GALNTL6: variants seen among roughly 807,000 people sequenced by gnomAD.
The protein encoded by GALNTL6 is polypeptide N-acetylgalactosaminyltransferase like 6.
GALNTL6 carries 46 observed loss-of-function variants against 73.7 expected under a neutral mutation model. That is an observed-to-expected ratio of 0.62 (90% CI 0.49 to 0.80). The LOEUF is 0.80. Among genes scored for constraint, GALNTL6 ranks in the 30% least tolerant of loss-of-function variants. The pLI is 0.00. For synonymous variants in GALNTL6, 259 were observed against 263.7 expected (o/e 0.98, Z 0.17); for missense variants, 604 against 755.0 (o/e 0.80, Z 2.34).
At chr4:172,737,751 G>T (rs181900309) in intron 5 of GALNTL6, among the ~76,000 whole-genome samples, 65 of 152,278 alleles carry the variant, frequency 4.3e-4, no homozygotes, top group Middle Eastern at 3.4e-3. Flanking sequence ...ACTTGTTCCA[G>T]TTTTTATTGA....
At chr4:172,427,821 C>T (rs1325197997) in intron 5 of GALNTL6, among the ~76,000 whole-genome samples, 1 of 152,054 alleles carries the variant, frequency 6.6e-6, no homozygotes, top group African/African-American at 2.4e-5. Context: ...GAATTAAAAA[C>T]AAAGATACCA....
intron 5 of GALNTL6, among the ~76,000 whole-genome samples, chr4:172,660,101 C>G (rs1579302076): frequency 1.3e-5 from 2 of 152,318 alleles, no homozygotes; most frequent in South Asian, 4.1e-4. Context: ...AAATACGTTG[C>G]TTTTTAGAAA....
chr4:172,985,328 T>G (rs1164473174), intron 10 of GALNTL6, among the ~76,000 whole-genome samples: 1 of 151,836 alleles, frequency 6.6e-6, no homozygotes, highest in African/African-American at 2.4e-5. Flanking sequence ...TAAGATTAAT[T>G]GCAATAATAA....
intron 8 of GALNTL6, among the ~76,000 whole-genome samples, chr4:172,897,207 G>A (rs1746375858): frequency 6.6e-6 from 1 of 152,180 alleles, no homozygotes; most frequent in Non-Finnish European, 1.5e-5. Flanking sequence ...GGCTAAGAGG[G>A]ACGTGTGTCT....
At chr4:171,901,381 G>C (rs1158608357) in intron 2 of GALNTL6, among the ~76,000 whole-genome samples, 1 of 152,134 alleles carries the variant, frequency 6.6e-6, no homozygotes, top group African/African-American at 2.4e-5. Flanking sequence ...CTTTCCAGTA[G>C]CAACTAGACA....
chr4:172,515,670 T>G (rs556047148), intron 5 of GALNTL6, among the ~76,000 whole-genome samples: 107 of 152,300 alleles, frequency 7.0e-4, no homozygotes, highest in African/African-American at 2.5e-3. Context: ...ATTAACCCCC[T>G]TTCGGGCAAG....
chr4:172,589,486 A>G (rs567373663), intron 5 of GALNTL6, among the ~76,000 whole-genome samples: 1 of 152,328 alleles, frequency 6.6e-6, no homozygotes, highest in Non-Finnish European at 1.5e-5. Context: ...CTGTAAGAAG[A>G]AGGCAAGCAT....
intron 5 of GALNTL6, among the ~76,000 whole-genome samples, chr4:172,581,191 A>G (rs1415721703): frequency 2.6e-5 from 4 of 152,252 alleles, no homozygotes; most frequent in Non-Finnish European, 5.9e-5. Flanking sequence ...GGGTAAAGTA[A>G]AGATAAACAT....
At chr4:172,707,723 T>TG (rs999150144) in intron 5 of GALNTL6, among the ~76,000 whole-genome samples, 3 of 152,106 alleles carry the variant, frequency 2.0e-5, no homozygotes, top group Admixed American at 2.0e-4. Context: ...AATACAGCAA[T>TG]GACAGCTGGG....
At chr4:172,843,839 G>A (rs1372391429) in intron 7 of GALNTL6, among the ~76,000 whole-genome samples, 1 of 152,086 alleles carries the variant, frequency 6.6e-6, no homozygotes, top group Non-Finnish European at 1.5e-5. Context: ...CAGGCAGATC[G>A]CTTGAAGTTA....
intron 5 of GALNTL6, among the ~76,000 whole-genome samples, chr4:172,604,397 G>A (rs1164302634): frequency 6.6e-6 from 1 of 152,138 alleles, no homozygotes; most frequent in Non-Finnish European, 1.5e-5. Flanking sequence ...CTAAATACTA[G>A]TGAGAGCTGT....
chr4:172,149,371 G>A (rs1579185523), intron 2 of GALNTL6, among the ~76,000 whole-genome samples: 1 of 152,170 alleles, frequency 6.6e-6, no homozygotes, highest in Non-Finnish European at 1.5e-5. Context: ...TGACCTGTAG[G>A]ACATATTGAA....
intron 5 of GALNTL6, among the ~76,000 whole-genome samples, chr4:172,435,729 C>T (rs146950633): frequency 7.2e-5 from 11 of 152,006 alleles, no homozygotes; most frequent in Non-Finnish European, 1.3e-4. Flanking sequence ...TGGGATATAA[C>T]GAGTGGTTTT....
chr4:172,448,917 A>C (rs992315814), intron 5 of GALNTL6, among the ~76,000 whole-genome samples: 7 of 152,132 alleles, frequency 4.6e-5, no homozygotes, highest in African/African-American at 1.7e-4. Context: ...CACTTTACTA[A>C]GTATATTCAC....
At chr4:172,289,155 A>C (rs923074180) in intron 3 of GALNTL6, among the ~76,000 whole-genome samples, 11 of 152,210 alleles carry the variant, frequency 7.2e-5, no homozygotes, top group Non-Finnish European at 1.5e-5. Flanking sequence ...GTTTTCTTCC[A>C]ACCACTAGTT....
intron 5 of GALNTL6, among the ~76,000 whole-genome samples, chr4:172,393,396 T>C (rs939803564): frequency 6.6e-6 from 1 of 152,138 alleles, no homozygotes; most frequent in Non-Finnish European, 1.5e-5. Context: ...TCTGCAGCTC[T>C]AGCATAACTA....
rs1301430857 is a variant in GALNTL6, at chr4:172,511,348, A to G, written c.553+162659A>G. 1.3e-4 allele frequency among the ~76,000 whole-genome samples: 7 copies of G among 54,798 alleles called. 3 individuals are homozygous for G. The highest frequency in any genetic ancestry group is 2.3e-4 in the African/African-American group (5 of 22,090). The allele number at this position is 54,798 out of a possible 152,430, so 35.9% of individuals were successfully genotyped here. A position where few individuals can be genotyped will look rare whatever the true frequency, so the allele number is the denominator to read the frequency against. On this transcript the variant is annotated intron_variant, in intron 5 of 12. Transcript: ENST00000506823. Reference sequence around the variant, plus strand: ...ATCTTCTCTTTTCTTTCGTTGGTTAATCTCACTAACGGTCTATCAATTTGA... The same window carrying G: ...ATCTTCTCTTTTCTTTCGTTGGTTAGTCTCACTAACGGTCTATCAATTTGA...
At chr4:172,928,118 A>C (rs1204745214) in intron 8 of GALNTL6, among the ~76,000 whole-genome samples, 1 of 152,228 alleles carries the variant, frequency 6.6e-6, no homozygotes, top group African/African-American at 2.4e-5. Flanking sequence ...AGCAAGGTTT[A>C]ACTGAAATAC....
chr4:172,450,320 G>A (rs1396326444), intron 5 of GALNTL6, among the ~76,000 whole-genome samples: 1 of 150,824 alleles, frequency 6.6e-6, no homozygotes, highest in African/African-American at 2.5e-5. Flanking sequence ...CAGTGGATTA[G>A]ATCAAATAGT....
Sources: allele counts gnomAD v4.1 joint callset (sites outside exome capture counted in the v4.1 genomes callset), GRCh38; gene constraint gnomAD v4.1.1; transcripts MANE v1.5; gene names NCBI Gene and HGNC (gene_info 2026-07-23, HGNC 2026-07-21).